The following AOC2 variants were observed in gnomAD, a reference collection of about 807,000 sequenced individuals.
AOC2 encodes amine oxidase [copper-containing] 2.
A neutral mutation model predicts 53.8 loss-of-function variants in AOC2; 57 were observed. The ratio of observed to expected loss-of-function variants is 1.06; its 90% CI spans 0.86 to 1.32. AOC2 has a LOEUF of 1.32. Among genes scored for constraint, AOC2 ranks in the 40% most tolerant of loss-of-function variants. The pLI is 0.00. For missense variants in AOC2, 1,008 were observed against 957.2 expected (o/e 1.05, Z -0.70); for synonymous variants, 404 against 399.0 (o/e 1.01, Z -0.15).
chr17:42,846,880 A>G (rs1047167001), intron 1 of AOC2, among the ~76,000 whole-genome samples: 1 of 152,244 alleles, frequency 6.6e-6, no homozygotes, highest in Non-Finnish European at 1.5e-5. Context: ...AAGGACAGAA[A>G]GGAACTTACA....
At position 42,850,049 on chromosome 17, in the gene AOC2, C is replaced by T. The variant is rs754104348; in HGVS notation, c.2005-33C>T. 5 of 1,604,522 alleles carry T rather than the reference C, an allele frequency of 3.1e-6. No individual in the cohort carries two copies. The South Asian group carries it at 4.4e-5, about 14-fold the overall frequency. ...AAGGGTGGTTCTTTGGGTCACGCTT[C>T]CATAGTCCTCCAGCTCCTCCTTCTT... is the stretch of plus-strand genomic sequence containing the variant. On this transcript the variant is annotated intron_variant, in intron 3 of 3. Transcript: ENST00000253799.
intron 1 of AOC2, among the ~76,000 whole-genome samples, chr17:42,846,900 A>G (rs1426177722): frequency 1.3e-5 from 2 of 152,246 alleles, no homozygotes; most frequent in African/African-American, 4.8e-5. Context: ...AGACTCACAC[A>G]CTGATCCACA....
chr17:42,849,565 A>AT (rs780631393), intron 2 of AOC2, 36 bp from the exon 3 acceptor site: 4 of 1,614,014 alleles, frequency 2.5e-6, no homozygotes, highest in East Asian at 2.2e-5. Context: ...GGCACTTGAC[A>AT]TTTCCCAAAA....
intron 3 of AOC2, 56 bp from the exon 4 acceptor site, chr17:42,850,026 G>C: frequency 6.3e-7 from 1 of 1,578,800 alleles, no homozygotes; most frequent in Non-Finnish European, 8.6e-7. Flanking sequence ...TGTGACTGAA[G>C]GGTGGTTCTT....
At position 42,845,497 on chromosome 17, in the gene AOC2, A is replaced by G; in HGVS notation, c.871A>G (p.Asn291Asp). The G allele has an allele frequency of 6.2e-7, 1 of 1,614,050 alleles. No individual in the cohort carries two copies. Among genetic ancestry groups the G allele is most frequent in the Non-Finnish European group, 8.5e-7 (1 of 1,179,984 alleles). Reference sequence around the variant, plus strand: ...GGTTAGAGTCCCTCTACCTCCACCAAATGGAGCTTCATCCCTGAGGTCTCG... The same window carrying G: ...GGTTAGAGTCCCTCTACCTCCACCAGATGGAGCTTCATCCCTGAGGTCTCG... ...EVVRVPLPPP[N>D]GASSLRSRNS... Residue 291 changes from asparagine to aspartate, a missense_variant, in exon 1 of 4, where the codon AAT (asparagine) becomes GAT (aspartate). Asn to Asp is a conservative substitution (Grantham distance 23). Coordinates refer to ENST00000253799, the MANE Select transcript of AOC2 (RefSeq NM_009590.4).
Position 42,845,037 on chromosome 17 carries a change from G to T in AOC2, c.411G>T (p.Leu137=). 6.2e-7 allele frequency: 1 copy of T among 1,613,972 alleles called. No homozygotes were observed. The highest frequency in any genetic ancestry group is 8.5e-7 in the Non-Finnish European group (1 of 1,180,012). ...AACCCCAACCCAATGTGAGTGAGCTGGTGGTGGGGCCGCTGCCTCACCCCT... is the reference window on the plus strand; with the variant it reads ...AACCCCAACCCAATGTGAGTGAGCTTGTGGTGGGGCCGCTGCCTCACCCCT... ...GGQPQPNVSE[L]VVGPLPHPSY... The change falls in exon 1 of 4, where the codon CTG becomes CTT. Residue 137 remains leucine (L), a synonymous_variant. Coordinates refer to ENST00000253799, the MANE Select transcript of AOC2 (RefSeq NM_009590.4).
rs1350944180 is a variant in AOC2 at position 42,846,106 on chromosome 17, C to T, written c.1480C>T (p.Leu494=). The T allele has an allele frequency of 6.3e-7, 1 of 1,593,584 alleles. No individual in the cohort carries two copies. Among genetic ancestry groups the T allele is most frequent in the Non-Finnish European group, 8.6e-7 (1 of 1,166,930 alleles). The change falls in exon 1 of 4, where the codon CTG becomes TTG. Residue 494 remains leucine (L), a synonymous_variant. Coordinates refer to ENST00000253799, the MANE Select transcript of AOC2 (RefSeq NM_009590.4). The part of the protein sequence containing the change: ...HATGYINTAF[L]KGGEEGLLFG... Reference sequence around the variant, plus strand: ...CACGGGTTATATCAACACAGCTTTCCTGAAAGGGGGAGAGGAGGGCCTCCT... The same window carrying T: ...CACGGGTTATATCAACACAGCTTTCTTGAAAGGGGGAGAGGAGGGCCTCCT...
At position 42,844,714 on chromosome 17, in the gene AOC2, G is replaced by A. The variant is rs1243033694; in HGVS notation, c.88G>A (p.Gly30Ser). The change falls in exon 1 of 4, where the codon GGT becomes AGT. Residue 30 changes from glycine to serine, a missense_variant. Physicochemically the swap from Gly to Ser is moderately conservative, Grantham distance 56. Transcript: ENST00000253799. ...LAYVLLTSPGGSSQPPHCPSV... is the reference protein window; with the variant it reads ...LAYVLLTSPGSSSQPPHCPSV... ...CTATGTTTTGCTGACCAGCCCAGGT[G>A]GTTCCAGCCAGCCTCCCCACTGCCC... The A allele has an allele frequency of 2.5e-6, 4 of 1,614,210 alleles. No individual in the cohort carries two copies. Among genetic ancestry groups the A allele is most frequent in the Admixed American group, 1.7e-5 (1 of 60,028 alleles).
chr17:42,849,974 G>T, intron 3 of AOC2, 108 bp from the exon 4 acceptor site: 1 of 1,472,288 alleles, frequency 6.8e-7, no homozygotes. Flanking sequence ...TGGGCATGAG[G>T]CTGGGGAGAG....
chr17:42,850,284 C>T lies in AOC2; in HGVS notation c.2207C>T (p.Ala736Val), dbSNP rs953848524. 3.1e-6 allele frequency: 5 copies of T among 1,613,662 alleles called. No individual in the cohort carries two copies. Among genetic ancestry groups the T allele is most frequent in the Admixed American group, 3.3e-5 (2 of 59,992 alleles). The part of the protein sequence containing the change: ...DAGLCSINPV[A>V]CLPDLAACVP... ...GGGCTCTGCAGCATCAATCCTGTGG[C>T]CTGCCTCCCCGACCTGGCAGCCTGT... Residue 736 changes from alanine (A) to valine (V), a missense_variant, in exon 4 of 4, where the codon GCC becomes GTC. Ala to Val is a moderately conservative substitution (Grantham distance 64). Transcript: ENST00000253799.
rs534605513 is a variant in AOC2, at chr17:42,845,094, C to A, written c.468C>A (p.His156Gln). The A allele has an allele frequency of 3.7e-6, 6 of 1,613,618 alleles. No homozygotes were observed. The highest frequency in any genetic ancestry group is 5.1e-6 in the Non-Finnish European group (6 of 1,180,016). The stretch of plus-strand genomic sequence containing the variant: ...TGCGGGATGTGACTGTGGAGCGTCA[C>A]GGCGGGCCCCTGCCCTATCACCGTC... ...SYMRDVTVER[H>Q]GGPLPYHRRP... is the part of the protein sequence containing the mutation. Residue 156 changes from histidine to glutamine, a missense_variant, in exon 1 of 4, where the codon CAC (histidine) becomes CAA (glutamine). His to Gln is a conservative substitution (Grantham distance 24). Transcript: ENST00000253799.
rs994095665 is a variant in AOC2 at position 42,850,449 on chromosome 17, AC to A, written c.*106del. The A allele has an allele frequency of 2.4e-5, 34 of 1,398,200 alleles. No individual in the cohort carries two copies. In the African/African-American group the frequency reaches 4.6e-4, roughly 19 times the overall value. The allele number at this position is 1,398,200 out of a possible 1,614,324, so 86.6% of individuals were successfully genotyped here. On this transcript the variant is annotated 3_prime_UTR_variant, in exon 4 of 4. Transcript: ENST00000253799. ...TATCACACCTGCTCCCCAGATTCCC[AC>A]CCCCTCAATGTTCCTCTCACACGAA...
intron 1 of AOC2, among the ~76,000 whole-genome samples, chr17:42,848,025 G>A (rs1252564834): frequency 6.8e-6 from 1 of 146,464 alleles, no homozygotes; most frequent in Non-Finnish European, 1.5e-5. Flanking sequence ...TGATCCACTC[G>A]CCTCGGCTTC....
Position 42,850,662 on chromosome 17 carries a change from T to C in AOC2, c.*314T>C. 1 of 246,472 alleles carries C rather than the reference T, an allele frequency of 4.1e-6. No individual in the cohort carries two copies. Among genetic ancestry groups the C allele is most frequent in the Non-Finnish European group, 7.7e-6 (1 of 130,218 alleles). The allele number at this position is 246,472 out of a possible 1,614,324, so 15.3% of individuals were successfully genotyped here. On this transcript the variant is annotated 3_prime_UTR_variant, in exon 4 of 4. Transcript: ENST00000253799. ...AAAAGGAAGAGTAGATAGAATTTTG[T>C]AAAACAGATGTTGTATGTAATTTAT...
At position 42,850,455 on chromosome 17, in the gene AOC2, T is replaced by A; in HGVS notation, c.*107T>A. On this transcript the variant is annotated 3_prime_UTR_variant, in exon 4 of 4. Transcript: ENST00000253799. ...ACCTGCTCCCCAGATTCCCACCCCCTCAATGTTCCTCTCACACGAAACCCC... is the reference window on the plus strand; with the variant it reads ...ACCTGCTCCCCAGATTCCCACCCCCACAATGTTCCTCTCACACGAAACCCC... 7.4e-7 allele frequency: 1 copy of A among 1,350,880 alleles called. No homozygotes were observed. The highest frequency in any genetic ancestry group is 9.9e-7 in the Non-Finnish European group (1 of 1,008,182). The allele number at this position is 1,350,880 out of a possible 1,614,324, so 83.7% of individuals were successfully genotyped here.
chr17:42,847,533 G>A (rs2055608315), intron 1 of AOC2, among the ~76,000 whole-genome samples: 1 of 152,218 alleles, frequency 6.6e-6, no homozygotes, highest in African/African-American at 2.4e-5. Flanking sequence ...GCTTGCTTCT[G>A]AAAAACACTG....
intron 3 of AOC2, 143 bp downstream of exon 3, chr17:42,849,873 G>A: frequency 7.5e-7 from 1 of 1,325,148 alleles, no homozygotes. Context: ...GACCAACACA[G>A]GTCATCCCTC....
rs758247237 is a variant in AOC2, at chr17:42,849,678, C to T, written c.1952C>T (p.Thr651Ile). Residue 651 changes from threonine to isoleucine, a missense_variant, in exon 3 of 4, where the codon ACA (threonine) becomes ATA (isoleucine). Transcript: ENST00000253799. ...ATCTATCACCAGAATGACATCTGGA[C>T]ACCCACAGTTACCTTTGCTGACTTC... ...SSIYHQNDIW[T>I]PTVTFADFIN... 1.9e-6 allele frequency: 3 copies of T among 1,614,218 alleles called. No individual in the cohort carries two copies. In the South Asian group the frequency reaches 3.3e-5, roughly 18 times the overall value.
Position 42,845,603 on chromosome 17 carries a change from C to T in AOC2, c.977C>T (p.Ser326Phe). ...QYSVQGNLVV[S>F]SLWSFTFGHG... is the part of the protein sequence containing the mutation. The stretch of plus-strand genomic sequence containing the variant: ...AGTGTGCAAGGAAACCTGGTGGTAT[C>T]CTCCCTCTGGTCATTTACCTTTGGC... The change falls in exon 1 of 4, where the codon TCC becomes TTC. Residue 326 changes from serine to phenylalanine, a missense_variant. By Grantham distance (155) the Ser-to-Phe change is radical. Transcript: ENST00000253799. The T allele has an allele frequency of 6.2e-7, 1 of 1,614,226 alleles. No individual in the cohort carries two copies. Among genetic ancestry groups the T allele is most frequent in the South Asian group, 1.1e-5 (1 of 91,082 alleles).
Sources: gnomAD v4.1 joint callset for allele counts (sites outside exome capture counted in the v4.1 genomes callset) on GRCh38, gnomAD v4.1.1 for gene constraint, MANE v1.5 for transcripts, NCBI Gene and HGNC (gene_info 2026-07-23, HGNC 2026-07-21) for gene names.